SFMBT1: variants seen among roughly 807,000 people sequenced by gnomAD.
SFMBT1 encodes the protein Scm like with four mbt domains 1, also known as scm-like with four MBT domains protein 1.
In SFMBT1, 32 loss-of-function variants were observed where a neutral mutation model predicts 108.7. The ratio of observed to expected loss-of-function variants is 0.29; its 90% CI spans 0.22 to 0.40. The LOEUF is 0.40. Ranked by LOEUF, SFMBT1 falls within the 10% of genes least tolerant of loss-of-function variation. The pLI is 1.00. For missense variants in SFMBT1, 816 were observed against 1,059.6 expected, an observed-to-expected ratio of 0.77 and a Z score of 3.19; for synonymous variants, 348 against 369.5, an observed-to-expected ratio of 0.94 and a Z score of 0.67.
intron 1 of SFMBT1, among the ~76,000 whole-genome samples, chr3:53,016,706 T>C (rs1198564136): frequency 1.3e-5 from 2 of 152,234 alleles, no homozygotes; most frequent in East Asian, 3.8e-4. Flanking sequence ...CAGTTCTATG[T>C]GATTATTTAT....
chr3:52,973,817 C>CCA (rs1704427737), intron 1 of SFMBT1, among the ~76,000 whole-genome samples: 1 of 151,976 alleles, frequency 6.6e-6, no homozygotes, highest in Non-Finnish European at 1.5e-5. Context: ...GTGGTAGAGA[C>CCA]CACGTTGGCC....
intron 2 of SFMBT1, among the ~76,000 whole-genome samples, chr3:52,955,735 T>C (rs988373837): frequency 4.6e-5 from 7 of 151,842 alleles, no homozygotes; most frequent in African/African-American, 1.7e-4. Flanking sequence ...CAAAAAAAGC[T>C]CAGGACAGAT....
At chr3:53,011,174 C>T (rs555019395) in intron 1 of SFMBT1, among the ~76,000 whole-genome samples, 2 of 152,160 alleles carry the variant, frequency 1.3e-5, no homozygotes, top group Non-Finnish European at 2.9e-5. Context: ...CTGCAAACAG[C>T]TTTACCAAAA....
chr3:53,014,187 A>T (rs765369563), intron 1 of SFMBT1, among the ~76,000 whole-genome samples: 5 of 152,230 alleles, frequency 3.3e-5, no homozygotes, highest in Non-Finnish European at 5.9e-5. Context: ...TGCCATTCAA[A>T]AATAAAATAT....
At chr3:52,941,215 C>G (rs1347017861) in intron 4 of SFMBT1, among the ~76,000 whole-genome samples, 2 of 152,068 alleles carry the variant, frequency 1.3e-5, no homozygotes, top group Non-Finnish European at 2.9e-5. Context: ...GACGAAAAAC[C>G]CTGAGGAACT....
At chr3:52,969,292 G>T in intron 1 of SFMBT1, 34 bp from the exon 2 acceptor site, 1 of 1,476,406 alleles carries the variant, frequency 6.8e-7, no homozygotes. Context: ...TAAACAGCCT[G>T]AAGCCCAAGT....
chr3:52,943,626 A>G (rs2106815622), intron 3 of SFMBT1, 33 bp from the exon 4 acceptor site: 1 of 1,614,102 alleles, frequency 6.2e-7, no homozygotes, highest in Non-Finnish European at 8.5e-7. Context: ...GCACCAGACA[A>G]GTATCTTAAA....
At position 52,905,016 on chromosome 3, in the gene SFMBT1, G is replaced by A; in HGVS notation, c.*120C>T. The A allele has an allele frequency of 3.6e-6, 5 of 1,382,128 alleles. No homozygotes were observed. Among genetic ancestry groups the A allele is most frequent in the Middle Eastern group, 2.2e-4 (1 of 4,538 alleles). 85.6% of individuals were successfully genotyped at this position (1,382,128 alleles called of 1,614,324 possible). A position where few individuals can be genotyped will look rare whatever the true frequency, so the allele number is the denominator to read the frequency against. The stretch of plus-strand genomic sequence containing the variant: ...TCCTCCTTCCCCGAAAGTGCAAAGA[G>A]AGCAAGCTGATACCTGCAGGCCCCA... On this transcript the variant is annotated 3_prime_UTR_variant, in exon 21 of 21. Transcript: ENST00000394752.
chr3:53,021,139 G>A (rs982921510), intron 1 of SFMBT1, among the ~76,000 whole-genome samples: 7 of 152,148 alleles, frequency 4.6e-5, no homozygotes, highest in African/African-American at 7.2e-5. Context: ...TAATCTATTC[G>A]TAAAGGACAT....
At chr3:52,926,153 C>A (rs776514395) in intron 9 of SFMBT1, 40 bp from the exon 10 acceptor site, 2 of 1,560,066 alleles carry the variant, frequency 1.3e-6, no homozygotes, top group Non-Finnish European at 1.7e-6. Context: ...CACTACCACA[C>A]CACATACGCC....
chr3:52,905,494 A>G (rs1000806585), intron 20 of SFMBT1, among the ~76,000 whole-genome samples: 2 of 152,240 alleles, frequency 1.3e-5, no homozygotes, highest in African/African-American at 4.8e-5. Flanking sequence ...TGAGGACAAT[A>G]AAGTTTTACC....
At chr3:53,014,488 A>G (rs975498497) in intron 1 of SFMBT1, among the ~76,000 whole-genome samples, 51 of 63,782 alleles carry the variant, frequency 8.0e-4, no homozygotes, top group Non-Finnish European at 3.6e-4. Flanking sequence ...AAACAAAACA[A>G]AACAAAACAA....
At chr3:53,033,504 C>A (rs1468441661) in intron 1 of SFMBT1, among the ~76,000 whole-genome samples, 1 of 151,930 alleles carries the variant, frequency 6.6e-6, no homozygotes, top group Non-Finnish European at 1.5e-5. Flanking sequence ...CATTTTTACC[C>A]CCCTCAACTA....
At chr3:52,930,297 G>C in intron 8 of SFMBT1, 32 bp downstream of exon 8, 3 of 1,314,676 alleles carry the variant, frequency 2.3e-6, no homozygotes, top group Non-Finnish European at 3.3e-6. Flanking sequence ...CCTTGACAGG[G>C]ATTCTTACCA....
intron 1 of SFMBT1, among the ~76,000 whole-genome samples, chr3:52,979,789 T>G (rs6797070): frequency 0.024 from 3,593 of 152,302 alleles, 145 homozygotes; most frequent in African/African-American, 0.082. Flanking sequence ...GAGCACTTAT[T>G]ATCGCCACAC....
At chr3:52,981,677 C>G (rs957692458) in intron 1 of SFMBT1, among the ~76,000 whole-genome samples, 4 of 151,974 alleles carry the variant, frequency 2.6e-5, no homozygotes, top group Non-Finnish European at 4.4e-5. Context: ...CTGCACCCAA[C>G]CTGAACAGGT....
intron 16 of SFMBT1, among the ~76,000 whole-genome samples, chr3:52,912,293 G>A (rs1002163990): frequency 6.6e-6 from 1 of 151,918 alleles, no homozygotes; most frequent in Non-Finnish European, 1.5e-5. Flanking sequence ...CAATCCTCCT[G>A]CCTCAGCCTC....
intron 1 of SFMBT1, among the ~76,000 whole-genome samples, chr3:53,016,688 TA>T (rs1457322731): frequency 8.5e-5 from 13 of 152,348 alleles, no homozygotes; most frequent in African/African-American, 3.1e-4. Context: ...ATTCCTCACA[TA>T]TTCTGACAGT....
intron 1 of SFMBT1, among the ~76,000 whole-genome samples, chr3:52,978,453 G>A (rs1320839040): frequency 6.6e-6 from 1 of 152,030 alleles, no homozygotes; most frequent in African/African-American, 2.4e-5. Flanking sequence ...AGCCCTTAAG[G>A]AACTATACTT....
Sources: gnomAD v4.1 joint callset for allele counts (sites outside exome capture counted in the v4.1 genomes callset) on GRCh38, gnomAD v4.1.1 for gene constraint, MANE v1.5 for transcripts, NCBI Gene and HGNC (gene_info 2026-07-23, HGNC 2026-07-21) for gene names.